DACH2: variants seen among roughly 807,000 people sequenced by gnomAD.
The protein encoded by DACH2 is dachshund homolog 2.
In DACH2, 17 loss-of-function variants were observed where a neutral mutation model predicts 35.8. That is an observed-to-expected ratio of 0.48 (90% confidence interval 0.33 to 0.71). DACH2 has a LOEUF of 0.71. Among genes scored for constraint, DACH2 ranks in the 30% least tolerant of loss-of-function variants. DACH2 has a pLI of 0.02. For synonymous variants in DACH2, 195 were observed against 177.3 expected, an observed-to-expected ratio of 1.10 and a Z score of -0.79; for missense variants, 469 against 472.7, an observed-to-expected ratio of 0.99 and a Z score of 0.07.
intron 1 of DACH2, among the ~76,000 whole-genome samples, chrX:86,312,516 G>A (rs1006617278): frequency 1.8e-5 from 2 of 111,602 alleles, no homozygotes; most frequent in African/African-American, 6.5e-5. Context: ...TATTAATTCT[G>A]GGTGTGTCTG....
chrX:86,782,970 A>G (rs1475514484), intron 7 of DACH2, among the ~76,000 whole-genome samples: 1 of 111,810 alleles, frequency 8.9e-6, no homozygotes, highest in African/African-American at 3.2e-5. Context: ...CAAAAAAGTG[A>G]AGCGACATCC....
At chrX:86,708,067 AG>A (rs2041239449) in intron 5 of DACH2, among the ~76,000 whole-genome samples, 1 of 109,592 alleles carries the variant, frequency 9.1e-6, no homozygotes, top group Non-Finnish European at 1.9e-5. Context: ...ATGCAGAAAA[AG>A]TTTTTGAGAA....
At chrX:86,306,605 A>G (rs2034694184) in intron 1 of DACH2, among the ~76,000 whole-genome samples, 1 of 111,713 alleles carries the variant, frequency 9.0e-6, no homozygotes, top group Non-Finnish European at 1.9e-5. Flanking sequence ...ATGAAAAGGC[A>G]AGACGACCCT....
At chrX:86,427,982 G>A (rs182324403) in intron 2 of DACH2, among the ~76,000 whole-genome samples, 1 of 111,521 alleles carries the variant, frequency 9.0e-6, no homozygotes, top group Non-Finnish European at 1.9e-5. Flanking sequence ...TTTTGGTTGA[G>A]TAATGAAAAA....
At chrX:86,530,674 C>T (rs2038706618) in intron 3 of DACH2, among the ~76,000 whole-genome samples, 1 of 111,702 alleles carries the variant, frequency 9.0e-6, no homozygotes, top group Admixed American at 9.5e-5. Context: ...TGAAAATGGA[C>T]TAATACAGAA....
intron 3 of DACH2, among the ~76,000 whole-genome samples, chrX:86,556,114 C>T (rs1369707318): frequency 1.8e-5 from 2 of 111,217 alleles, no homozygotes; most frequent in Admixed American, 9.6e-5. Context: ...GCTTCAGATG[C>T]CTTTATTCAT....
chrX:86,373,756 A>C (rs1449054281), intron 1 of DACH2, among the ~76,000 whole-genome samples: 2 of 111,294 alleles, frequency 1.8e-5, no homozygotes, highest in Non-Finnish European at 3.8e-5. Context: ...ATATAAGAGA[A>C]TTGCTCCCTT....
chrX:86,186,000 GTTAT>G (rs1322039377), intron 1 of DACH2, among the ~76,000 whole-genome samples: 2 of 112,396 alleles, frequency 1.8e-5, no homozygotes, highest in Non-Finnish European at 3.8e-5. Context: ...AACCTTACAA[GTTAT>G]TTATTGCTAG....
chrX:86,715,652 C>T (rs190101800), intron 6 of DACH2, among the ~76,000 whole-genome samples: 3 of 111,639 alleles, frequency 2.7e-5, no homozygotes, highest in Admixed American at 9.6e-5. Flanking sequence ...AAGATATACA[C>T]CTTGACTTCC....
At chrX:86,545,746 A>T (rs1185812813) in intron 3 of DACH2, among the ~76,000 whole-genome samples, 2 of 111,830 alleles carry the variant, frequency 1.8e-5, no homozygotes. Context: ...TAAATGAGAA[A>T]TGAAACATTT....
chrX:86,712,508 TTGTGTGTATATATATA>T (rs960001422), intron 5 of DACH2, among the ~76,000 whole-genome samples: 9 of 108,190 alleles, frequency 8.3e-5, no homozygotes, highest in Non-Finnish European at 1.5e-4. Context: ...TTATCCCACG[TTGTGTGTATATATATA>T]TGTGTGTATA....
chrX:86,615,842 G>T (rs1438833676), intron 3 of DACH2, among the ~76,000 whole-genome samples: 1 of 110,017 alleles, frequency 9.1e-6, no homozygotes, highest in African/African-American at 3.3e-5. Flanking sequence ...GTGTCCTGGG[G>T]GTTAGTTGTA....
intron 3 of DACH2, among the ~76,000 whole-genome samples, chrX:86,580,842 A>T (rs971995193): frequency 1.8e-5 from 2 of 112,146 alleles, no homozygotes; most frequent in African/African-American, 6.5e-5. Flanking sequence ...AAATTTCCCC[A>T]CTATTGCTAC....
At chrX:86,164,472 G>A (rs1161665680) in intron 1 of DACH2, among the ~76,000 whole-genome samples, 1 of 111,029 alleles carries the variant, frequency 9.0e-6, no homozygotes, top group Admixed American at 9.6e-5. Flanking sequence ...CTTTTGTTGC[G>A]ATTGCCTTTG....
intron 11 of DACH2, among the ~76,000 whole-genome samples, chrX:86,821,136 G>A (rs985829995): frequency 9.0e-6 from 1 of 110,549 alleles, no homozygotes. Flanking sequence ...CTATCTCTAG[G>A]GGTTCCACTG....
At chrX:86,616,981 T>A (rs2040012809) in intron 3 of DACH2, among the ~76,000 whole-genome samples, 1 of 112,223 alleles carries the variant, frequency 8.9e-6, no homozygotes. Context: ...TCTTCTGCAT[T>A]TGGCTAGCCA....
intron 3 of DACH2, among the ~76,000 whole-genome samples, chrX:86,593,551 C>G (rs925565992): frequency 3.7e-5 from 4 of 108,964 alleles, no homozygotes; most frequent in African/African-American, 1.0e-4. Flanking sequence ...CTCAGCCTCC[C>G]GAGTAGCTGG....
rs1569463748 is a variant in DACH2, at chrX:86,667,602, A to AAGAAAGAAAGAAAGAAAG, written c.772+16449_772+16450insAAAGAGAAAGAAAGAAAG. On this transcript the variant is annotated intron_variant, in intron 4 of 11. Transcript: ENST00000373125. ...AAAGAAAGAAAGAAAGAAAGAAAGA[A>AAGAAAGAAAGAAAGAAAG]AGAAAGAAAGAAAGGCAGGCAGGCC... Among the ~76,000 whole-genome samples the AAGAAAGAAAGAAAGAAAG allele has an allele frequency of 1.2e-4, 12 of 102,963 alleles. 1 individual carries two copies. Among genetic ancestry groups the AAGAAAGAAAGAAAGAAAG allele is most frequent in the African/African-American group, 4.3e-4 (11 of 25,533 alleles). The allele number at this position is 102,963 out of a possible 115,157, so 89.4% of individuals were successfully genotyped here. A position where few individuals can be genotyped will look rare whatever the true frequency, so the allele number is the denominator to read the frequency against.
At chrX:86,649,909 A>C (rs1192104201) in intron 3 of DACH2, among the ~76,000 whole-genome samples, 4 of 110,960 alleles carry the variant, frequency 3.6e-5, no homozygotes, top group Non-Finnish European at 7.6e-5. Context: ...TGGTAGGATG[A>C]ATTTTACTGA....
Sources: gnomAD v4.1 joint callset for allele counts (sites outside exome capture counted in the v4.1 genomes callset) on GRCh38, gnomAD v4.1.1 for gene constraint, MANE v1.5 for transcripts, NCBI Gene and HGNC (gene_info 2026-07-23, HGNC 2026-07-21) for gene names.